FAM149A: variants seen among roughly 807,000 people sequenced by gnomAD.
The protein encoded by FAM149A is family with sequence similarity 149 member A.
In FAM149A, 71 loss-of-function variants were observed where a neutral mutation model predicts 78.2. The observed-to-expected ratio is 0.91, with a 90% CI of 0.75 to 1.11. The LOEUF (loss-of-function observed/expected upper bound fraction) is 1.11. Among genes scored for constraint, FAM149A ranks in the 50% least tolerant of loss-of-function variants. FAM149A has a pLI of 0.00. For synonymous variants in FAM149A, 446 were observed against 410.5 expected, an observed-to-expected ratio of 1.09 and a Z score of -1.04; for missense variants, 1,036 against 971.0, an observed-to-expected ratio of 1.07 and a Z score of -0.89.
intron 1 of FAM149A, chr4:186,132,082 A>G: frequency 2.0e-6 from 2 of 985,490 alleles, no homozygotes; most frequent in South Asian, 9.4e-5. Context: ...TTAGCAACAC[A>G]GATAACACGT....
intron 1 of FAM149A, chr4:186,117,703 C>T: frequency 1.0e-6 from 1 of 966,062 alleles, no homozygotes; most frequent in South Asian, 4.8e-5. Context: ...CTTTAGTAAA[C>T]ACTGGAAAAG....
At position 186,167,371 on chromosome 4, in the gene FAM149A, G is replaced by A. The variant is rs756052079; in HGVS notation, c.2218+109G>A. The A allele has an allele frequency of 3.7e-6, 4 of 1,076,638 alleles. No individual in the cohort carries two copies. The South Asian group carries it at 3.8e-5, about 10-fold the overall frequency. The allele number at this position is 1,076,638 out of a possible 1,614,324, so 66.7% of individuals were successfully genotyped here. On this transcript the variant is annotated intron_variant, in intron 13 of 13. Coordinates refer to ENST00000389354, the MANE Select transcript of FAM149A (RefSeq NM_001367768.3). ...TTGATAAGCCTATTTTGCTGTAGGA[G>A]GGAATAGCAAATGTTTGGGGCCTGT... is the stretch of plus-strand genomic sequence containing the variant.
intron 8 of FAM149A, chr4:186,158,663 C>A: frequency 1.8e-6 from 2 of 1,085,704 alleles, no homozygotes; most frequent in South Asian, 5.2e-5. Context: ...GGTGGAGACC[C>A]AGCCCCTGCA....
chr4:186,132,267 A>G (rs1426357203), intron 1 of FAM149A: 7 of 946,510 alleles, frequency 7.4e-6, no homozygotes, highest in East Asian at 1.2e-4. Flanking sequence ...ATTTAGTTCA[A>G]AAATCTCAGT....
chr4:186,117,139 G>A (rs75944683), intron 1 of FAM149A, among the ~76,000 whole-genome samples: 3,937 of 152,086 alleles, frequency 0.026, 198 homozygotes, highest in African/African-American at 0.09. Flanking sequence ...TGTCCCTGTG[G>A]TGGCTGGTAC....
intron 1 of FAM149A, among the ~76,000 whole-genome samples, chr4:186,126,493 A>G (rs886852137): frequency 6.6e-6 from 1 of 152,186 alleles, no homozygotes; most frequent in African/African-American, 2.4e-5. Flanking sequence ...TAATCCCTTA[A>G]GGGGCCAAAT....
intron 3 of FAM149A, among the ~76,000 whole-genome samples, chr4:186,150,358 T>TG (rs1289377492): frequency 7.0e-6 from 1 of 142,814 alleles, no homozygotes; most frequent in African/African-American, 2.8e-5. Flanking sequence ...ATGCTGGGTG[T>TG]TTTGTTGTTG....
rs2126565425 is a variant in FAM149A, at chr4:186,172,126, A to C, written c.*139A>C. 9 of 1,281,736 alleles carry C rather than the reference A, an allele frequency of 7.0e-6. 1 individual carries two copies. The South Asian group carries it at 1.5e-4, about 21-fold the overall frequency. 79.4% of individuals were successfully genotyped at this position (1,281,736 alleles called of 1,614,324 possible). A position where few individuals can be genotyped will look rare whatever the true frequency, so the allele number is the denominator to read the frequency against. ...AGACCGAGAGAAAAGCAAACAAATA[A>C]ATCACTTAATCTTGAACACTTTGCA... On this transcript the variant is annotated 3_prime_UTR_variant, in exon 14 of 14. Coordinates refer to ENST00000389354, the MANE Select transcript of FAM149A (RefSeq NM_001367768.3).
chr4:186,110,332 T>G, intron 1 of FAM149A: 1 of 985,052 alleles, frequency 1.0e-6, no homozygotes, highest in Middle Eastern at 5.2e-4. Context: ...CTGCTGGGAC[T>G]TAGCATTTCC....
At chr4:186,169,376 A>T in intron 13 of FAM149A, 11 of 985,414 alleles carry the variant, frequency 1.1e-5, no homozygotes, top group Non-Finnish European at 1.3e-5. Flanking sequence ...TGTTGGTGCA[A>T]TGAGGCGCGT....
Position 186,124,411 on chromosome 4 carries a change from G to A in FAM149A, c.566+18769G>A, listed in dbSNP as rs560889660. ...ATATCTCCTAATGCTATCCCTCCCC[G>A]CTCCCCCCCACCCCACAACAGGCCC... is the stretch of plus-strand genomic sequence containing the variant. On this transcript the variant is annotated intron_variant, in intron 1 of 13. Coordinates refer to ENST00000389354, the MANE Select transcript of FAM149A (RefSeq NM_001367768.3). Among the ~76,000 whole-genome samples the A allele has an allele frequency of 1.5e-4, 19 of 125,624 alleles. No homozygotes were observed. In the East Asian group the frequency reaches 3.5e-3, roughly 23 times the overall value. The allele number at this position is 125,624 out of a possible 152,430, so 82.4% of individuals were successfully genotyped here. A position where few individuals can be genotyped will look rare whatever the true frequency, so the allele number is the denominator to read the frequency against.
At chr4:186,107,587 C>T (rs967435770) in intron 1 of FAM149A, 1 of 152,098 alleles carries the variant, frequency 6.6e-6, no homozygotes, top group African/African-American at 2.4e-5. Flanking sequence ...CTATGCCTGG[C>T]CAATTTTAAA....
chr4:186,168,129 G>A (rs561473244), intron 13 of FAM149A, among the ~76,000 whole-genome samples: 2 of 152,248 alleles, frequency 1.3e-5, no homozygotes, highest in South Asian at 2.1e-4. Context: ...CAGATCTGTC[G>A]CTGTCCACAT....
chr4:186,163,318 TC>T, intron 9 of FAM149A, 105 bp from the exon 10 acceptor site: 1 of 832,230 alleles, frequency 1.2e-6, no homozygotes, highest in Admixed American at 2.0e-5. Context: ...AGGAGTATGT[TC>T]TAGGTGCCAG....
intron 1 of FAM149A, chr4:186,125,556 A>G (rs966389636): frequency 1.9e-5 from 7 of 374,080 alleles, no homozygotes; most frequent in Non-Finnish European, 2.6e-5. Flanking sequence ...ATGTCAATGC[A>G]GTGAAATAGG....
rs111448527 is a variant in FAM149A at position 186,174,084 on chromosome 4, CTT to C, written c.*2111_*2112del. ...TCCTTCCCTATTCAGTCCAAACTTC[CTT>C]TTTTTTTTTTTTTACTTGAAGTTCA... On this transcript the variant is annotated 3_prime_UTR_variant, in exon 14 of 14. Coordinates refer to ENST00000389354, the MANE Select transcript of FAM149A (RefSeq NM_001367768.3). 9.8e-4 allele frequency among the ~76,000 whole-genome samples: 92 copies of C among 93,654 alleles called. 6 individuals carry two copies. Among genetic ancestry groups the C allele is most frequent in the African/African-American group, 1.1e-3 (32 of 29,702 alleles). The allele number at this position is 93,654 out of a possible 152,430, so 61.4% of individuals were successfully genotyped here. A position where few individuals can be genotyped will look rare whatever the true frequency, so the allele number is the denominator to read the frequency against.
chr4:186,134,204 T>A (rs1195025410), intron 1 of FAM149A, among the ~76,000 whole-genome samples: 1 of 152,184 alleles, frequency 6.6e-6, no homozygotes, highest in Non-Finnish European at 1.5e-5. Flanking sequence ...TTTTTTACAT[T>A]TTTTGGCAAG....
chr4:186,162,810 CTT>C (rs56973296), intron 8 of FAM149A, 33 bp from the exon 9 acceptor site: 65,491 of 550,894 alleles, frequency 0.12, 18 homozygotes, highest in Non-Finnish European at 0.14. Flanking sequence ...ATTTGTAATT[CTT>C]TTTTTTTTTT....
At chr4:186,169,834 C>A (rs948780852) in intron 13 of FAM149A, 2 of 985,254 alleles carry the variant, frequency 2.0e-6, no homozygotes, top group African/African-American at 3.5e-5. Flanking sequence ...CAGTCATCTG[C>A]GCCTCACTGC....
Sources: allele counts gnomAD v4.1 joint callset (sites outside exome capture counted in the v4.1 genomes callset), GRCh38; gene constraint gnomAD v4.1.1; transcripts MANE v1.5; gene names NCBI Gene and HGNC (gene_info 2026-07-23, HGNC 2026-07-21).